The following MAST4 variants were observed in gnomAD, a reference collection of about 807,000 sequenced individuals.
MAST4 encodes microtubule associated serine/threonine kinase family member 4, also known as microtubule-associated serine/threonine-protein kinase 4.
MAST4 carries 89 observed loss-of-function variants against 162.7 expected under a neutral mutation model. The ratio of observed to expected loss-of-function variants is 0.55; its 90% CI spans 0.46 to 0.65. The LOEUF (loss-of-function observed/expected upper bound fraction) is 0.65. Ranked by LOEUF, MAST4 falls within the 30% of genes least tolerant of loss-of-function variation. MAST4 has a pLI of 0.00. For missense variants in MAST4, 3,153 were observed against 3,374.0 expected, an observed-to-expected ratio of 0.93 and a Z score of 1.62; for synonymous variants, 1,479 against 1,361.1, an observed-to-expected ratio of 1.09 and a Z score of -1.91.
chr5:66,678,206 T>G (rs1488907334), intron 1 of MAST4, among the ~76,000 whole-genome samples: 1 of 151,898 alleles, frequency 6.6e-6, no homozygotes, highest in Non-Finnish European at 1.5e-5. Context: ...TCTAAAAAAG[T>G]TGAACTCACA....
chr5:66,907,470 G>A (rs1027806866), intron 4 of MAST4, among the ~76,000 whole-genome samples: 1 of 152,122 alleles, frequency 6.6e-6, no homozygotes, highest in African/African-American at 2.4e-5. Context: ...GCTGTCTCCT[G>A]TCTCAATCAT....
At chr5:66,628,336 T>C (rs1441568926) in intron 1 of MAST4, among the ~76,000 whole-genome samples, 20 of 135,826 alleles carry the variant, frequency 1.5e-4, no homozygotes, top group Admixed American at 8.3e-5. Flanking sequence ...GCCTGACTTT[T>C]TTTCTTTTTT....
chr5:66,608,722 T>G (rs1245938307), intron 1 of MAST4, among the ~76,000 whole-genome samples: 1 of 151,484 alleles, frequency 6.6e-6, no homozygotes, highest in African/African-American at 2.4e-5. Context: ...AATACTTACA[T>G]TCTTTGAATA....
chr5:67,069,504 A>G (rs892338502), intron 5 of MAST4, among the ~76,000 whole-genome samples: 20 of 151,882 alleles, frequency 1.3e-4, no homozygotes, highest in Non-Finnish European at 2.4e-4. Context: ...TTAAAGATAA[A>G]AGAATGGGTT....
intron 1 of MAST4, among the ~76,000 whole-genome samples, chr5:66,747,132 ATGTATGTGTGTG>A (rs1752816555): frequency 9.0e-6 from 1 of 110,552 alleles, no homozygotes; most frequent in African/African-American, 3.3e-5. Flanking sequence ...GTGTGTGTGT[ATGTATGTGTGTG>A]TAGAGAAAAG....
intron 1 of MAST4, among the ~76,000 whole-genome samples, chr5:66,737,680 G>A (rs1200616410): frequency 6.6e-6 from 1 of 152,068 alleles, no homozygotes; most frequent in Non-Finnish European, 1.5e-5. Context: ...TGCTTTTATG[G>A]AAGGAGCTTT....
chr5:66,874,786 A>G (rs1761181908), intron 3 of MAST4, among the ~76,000 whole-genome samples: 1 of 152,218 alleles, frequency 6.6e-6, no homozygotes, highest in South Asian at 2.1e-4. Flanking sequence ...CCTGCTGGGA[A>G]AATCAGCCCA....
At chr5:66,876,124 C>T (rs770448899) in intron 3 of MAST4, among the ~76,000 whole-genome samples, 5 of 152,132 alleles carry the variant, frequency 3.3e-5, no homozygotes, top group Non-Finnish European at 7.3e-5. Flanking sequence ...GTGTGTTAGC[C>T]ATGGAGGAAT....
chr5:66,608,461 A>AT (rs1743053220), intron 1 of MAST4, among the ~76,000 whole-genome samples: 1 of 141,532 alleles, frequency 7.1e-6, no homozygotes, highest in African/African-American at 2.7e-5. Context: ...CATGAATTCT[A>AT]CCTTTCAGAT....
At position 67,166,933 on chromosome 5, in the gene MAST4, C is replaced by T. The variant is rs1179913964; in HGVS notation, c.7754C>T (p.Pro2585Leu). The stretch of plus-strand genomic sequence containing the variant: ...AACGTGGGCAGAGACGTGACCAAGC[C>T]ATCCCCAGCCCCAAACACTGACCGC... ...KQNVGRDVTK[P>L]SPAPNTDRPI... The change falls in exon 29 of 29, where the codon CCA becomes CTA. Residue 2585 changes from proline to leucine, a missense_variant. Around this residue, in one of 7 missense-constraint regions of MAST4, gnomAD observed 1,644 missense variants for 1,495.0 expected, o/e 1.10. Coordinates refer to ENST00000403625, the MANE Select transcript of MAST4 (RefSeq NM_001164664.2). The T allele has an allele frequency of 6.2e-7, 1 of 1,612,042 alleles. No individual in the cohort carries two copies. Among genetic ancestry groups the T allele is most frequent in the African/African-American group, 1.3e-5 (1 of 74,888 alleles).
chr5:66,998,298 T>G (rs993180717), intron 4 of MAST4, among the ~76,000 whole-genome samples: 22 of 152,374 alleles, frequency 1.4e-4, no homozygotes, highest in African/African-American at 4.1e-4. Context: ...GTCCTTGAAG[T>G]TAATTCCAGA....
intron 5 of MAST4, among the ~76,000 whole-genome samples, chr5:67,078,113 A>G (rs544836906): frequency 6.6e-6 from 1 of 152,280 alleles, no homozygotes; most frequent in African/African-American, 2.4e-5. Context: ...AAATAAATAA[A>G]TAAATAACTA....
chr5:66,986,450 G>A, intron 4 of MAST4: 3 of 1,568,316 alleles, frequency 1.9e-6, no homozygotes, highest in Admixed American at 1.9e-5. Flanking sequence ...TTAGCCCTGT[G>A]TGTCCAAATG....
chr5:66,896,519 T>TAC (rs1762695110), intron 3 of MAST4, among the ~76,000 whole-genome samples: 1 of 152,152 alleles, frequency 6.6e-6, no homozygotes, highest in African/African-American at 2.4e-5. Context: ...AAGAAGGGAG[T>TAC]ATCTACATGT....
intron 24 of MAST4, among the ~76,000 whole-genome samples, chr5:67,151,689 T>G (rs970743975): frequency 6.6e-6 from 1 of 152,112 alleles, no homozygotes; most frequent in African/African-American, 2.4e-5. Flanking sequence ...ACAGTAATGT[T>G]ATTCATTTAT....
At chr5:67,145,063 T>C in intron 22 of MAST4, 81 bp from the exon 23 acceptor site, 1 of 1,264,192 alleles carries the variant, frequency 7.9e-7, no homozygotes, top group Non-Finnish European at 1.1e-6. Context: ...AAGTCCGATT[T>C]TCACCTGGTT....
chr5:66,936,448 C>G (rs1025072173), intron 4 of MAST4, among the ~76,000 whole-genome samples: 1 of 151,988 alleles, frequency 6.6e-6, no homozygotes, highest in Non-Finnish European at 1.5e-5. Flanking sequence ...GGGCTAAGTC[C>G]GAAAAGAGAG....
At chr5:66,644,798 A>C (rs1014102512) in intron 1 of MAST4, among the ~76,000 whole-genome samples, 1 of 147,142 alleles carries the variant, frequency 6.8e-6, no homozygotes, top group East Asian at 2.0e-4. Context: ...CATGTATAGG[A>C]TATTCTTAGG....
chr5:66,946,803 A>C (rs574507315), intron 4 of MAST4, among the ~76,000 whole-genome samples: 55 of 152,310 alleles, frequency 3.6e-4, no homozygotes, highest in African/African-American at 1.3e-3. Flanking sequence ...GTGGAGTAAA[A>C]ATAATTCAGA....
Sources: gnomAD v4.1 joint callset for allele counts (sites outside exome capture counted in the v4.1 genomes callset) on GRCh38, gnomAD v4.1.1 for gene constraint, gnomAD v4.1.1 regional missense constraint, MANE v1.5 for transcripts, NCBI Gene and HGNC (gene_info 2026-07-23, HGNC 2026-07-21) for gene names.